Variants in MAP3K2 observed in about 807,000 individuals in gnomAD.
MAP3K2 encodes the protein mitogen-activated protein kinase kinase kinase 2.
A neutral mutation model predicts 80.3 loss-of-function variants in MAP3K2; 24 were observed. That is an observed-to-expected ratio of 0.30 (90% confidence interval 0.22 to 0.42). The LOEUF (loss-of-function observed/expected upper bound fraction) is 0.42, where lower values mean the gene tolerates loss of function less well. Ranked by LOEUF, MAP3K2 falls within the 10% of genes least tolerant of loss-of-function variation. The probability of loss-of-function intolerance (pLI) is 1.00; values close to 1 mark genes in which losing one functional copy is unlikely to be tolerated. For missense variants in MAP3K2, 608 were observed against 750.1 expected, an observed-to-expected ratio of 0.81 and a Z score of 2.21; for synonymous variants, 244 against 253.7, an observed-to-expected ratio of 0.96 and a Z score of 0.36.
chr2:127,326,604 C>T (rs991401895), intron 8 of MAP3K2, 83 bp downstream of exon 8: 4 of 1,000,556 alleles, frequency 4.0e-6, no homozygotes, highest in Non-Finnish European at 5.5e-6. Context: ...ATAATACACA[C>T]ACACACCCAG....
upstream of MAP3K2, chr2:127,388,106 G>T (rs1261302134): frequency 4.1e-6 from 4 of 984,288 alleles, no homozygotes; most frequent in African/African-American, 7.0e-5. Context: ...GCAGAGGCCC[G>T]CCACGCCCAC....
chr2:127,343,056 T>C, intron 2 of MAP3K2, 70 bp downstream of exon 2: 2 of 1,217,996 alleles, frequency 1.6e-6, no homozygotes, highest in Non-Finnish European at 2.3e-6. Flanking sequence ...TAACACATAA[T>C]AGAGAAAGTT....
At chr2:127,327,963 G>C (rs1686176617) in intron 7 of MAP3K2, among the ~76,000 whole-genome samples, 1 of 152,170 alleles carries the variant, frequency 6.6e-6, no homozygotes, top group Non-Finnish European at 1.5e-5. Context: ...CATTTAGCTT[G>C]TTTTGTCTAA....
At chr2:127,334,483 T>A (rs948520165) in intron 5 of MAP3K2, among the ~76,000 whole-genome samples, 1 of 152,196 alleles carries the variant, frequency 6.6e-6, no homozygotes, top group Non-Finnish European at 1.5e-5. Context: ...CAGGCTGGAG[T>A]GCAGTGGTTC....
At chr2:127,356,791 G>A (rs1421716975) in intron 1 of MAP3K2, among the ~76,000 whole-genome samples, 1 of 152,050 alleles carries the variant, frequency 6.6e-6, no homozygotes, top group East Asian at 1.9e-4. Context: ...AGAAAACTAG[G>A]GAAAACTCTT....
intron 1 of MAP3K2, among the ~76,000 whole-genome samples, chr2:127,362,983 T>C (rs1209838130): frequency 6.6e-6 from 1 of 152,016 alleles, no homozygotes; most frequent in East Asian, 1.9e-4. Flanking sequence ...TAATTTAAAA[T>C]AATGCAACAA....
chr2:127,307,550 G>C lies in MAP3K2; in HGVS notation c.*29C>G. ...AAGGTGAATGAATAGATGGGAGCTA[G>C]GTAGAGGCACAGGAGAGGTTACTGG... On this transcript the variant is annotated 3_prime_UTR_variant, in exon 17 of 17. Coordinates refer to ENST00000682094, the MANE Select transcript of MAP3K2 (RefSeq NM_001371910.2). The surrounding 1 kb of genome is among the most constrained non-coding windows in gnomAD (Gnocchi z 5.4). 1 of 1,461,918 alleles carries C rather than the reference G, an allele frequency of 6.8e-7. No individual in the cohort carries two copies. Among genetic ancestry groups the C allele is most frequent in the Non-Finnish European group, 9.4e-7 (1 of 1,066,648 alleles). The allele number at this position is 1,461,918 out of a possible 1,614,324, so 90.6% of individuals were successfully genotyped here.
In MAP3K2 at chr2:127,339,894, T is replaced by C. The variant is rs1007219846; in HGVS notation, c.5-844A>G. Among the ~76,000 whole-genome samples, 1 of 152,200 alleles carries C rather than the reference T, an allele frequency of 6.6e-6. No individual in the cohort carries two copies. The highest frequency in any genetic ancestry group is 1.5e-5 in the Non-Finnish European group (1 of 68,030). On this transcript the variant is annotated intron_variant, in intron 2 of 16. Coordinates refer to ENST00000682094, the MANE Select transcript of MAP3K2 (RefSeq NM_001371910.2). This position sits in a 1 kb window ranked among gnomAD's most constrained non-coding sequence, Gnocchi z 4.2. ...TAAAGGAATCAAGAGACTTTACACT[T>C]TACATTTTAAAATGTAACCATTTTG...
chr2:127,325,645 G>A (rs1686119122), intron 9 of MAP3K2, 83 bp downstream of exon 9: 17 of 1,068,738 alleles, frequency 1.6e-5, no homozygotes, highest in South Asian at 4.0e-5. Flanking sequence ...CCGCATTCAC[G>A]CCACTGCGCT....
At chr2:127,319,315 C>T (rs550168909) in intron 12 of MAP3K2, among the ~76,000 whole-genome samples, 2 of 151,694 alleles carry the variant, frequency 1.3e-5, no homozygotes, top group East Asian at 3.9e-4. Flanking sequence ...CATTAGAGCA[C>T]TCCTACTCCC....
At chr2:127,383,170 C>A (rs1444596936) in intron 1 of MAP3K2, among the ~76,000 whole-genome samples, 2 of 152,192 alleles carry the variant, frequency 1.3e-5, no homozygotes, top group African/African-American at 2.4e-5. Flanking sequence ...ATTCATGAGG[C>A]ACCCACCCCC....
chr2:127,312,223 A>T (rs1207661568), intron 15 of MAP3K2, among the ~76,000 whole-genome samples: 1 of 152,204 alleles, frequency 6.6e-6, no homozygotes, highest in Non-Finnish European at 1.5e-5. Context: ...GTTTCCTTTC[A>T]TCCATTAATT....
chr2:127,376,406 C>T (rs536514045), intron 1 of MAP3K2, among the ~76,000 whole-genome samples: 6 of 152,278 alleles, frequency 3.9e-5, no homozygotes, highest in East Asian at 3.9e-4. Flanking sequence ...GAATAAATGC[C>T]GGCAGCGCAG....
At chr2:127,353,783 A>G (rs1013738708) in intron 1 of MAP3K2, among the ~76,000 whole-genome samples, 2 of 152,148 alleles carry the variant, frequency 1.3e-5, no homozygotes, top group Non-Finnish European at 2.9e-5. Context: ...TGACAATGGC[A>G]GTTTTGTGGA....
rs1163570533 is a variant in MAP3K2 at position 127,387,942 on chromosome 2, G to A, written c.-556C>T. On this transcript the variant is annotated 5_prime_UTR_variant, in exon 1 of 17. Transcript: ENST00000682094. Reference sequence around the variant, plus strand: ...CGTCAGGCGCCGCCGCTGAGGGCAGGCAGCCCGGCAGCCACTACACACGGA... The same window carrying A: ...CGTCAGGCGCCGCCGCTGAGGGCAGACAGCCCGGCAGCCACTACACACGGA... The A allele has an allele frequency of 9.1e-6, 9 of 984,676 alleles. No individual in the cohort carries two copies. The East Asian group carries it at 3.4e-4, about 38-fold the overall frequency. The allele number at this position is 984,676 out of a possible 1,614,324, so 61.0% of individuals were successfully genotyped here. A position where few individuals can be genotyped will look rare whatever the true frequency, so the allele number is the denominator to read the frequency against.
intron 1 of MAP3K2, among the ~76,000 whole-genome samples, chr2:127,359,504 G>GA (rs1474132095): frequency 1.3e-5 from 2 of 152,192 alleles, no homozygotes; most frequent in Non-Finnish European, 2.9e-5. Flanking sequence ...GCATTGATGA[G>GA]AGAGTGTCAA....
rs1558981497 is a variant in MAP3K2 at position 127,339,520 on chromosome 2, A to C, written c.5-470T>G. Among the ~76,000 whole-genome samples, 1 of 152,216 alleles carries C rather than the reference A, an allele frequency of 6.6e-6. No homozygotes were observed. ...ATCAATACTTAAGAGTCAGAAACAA[A>C]GAAAAGCTTCACCTGTGGATACTGG... On this transcript the variant is annotated intron_variant, in intron 2 of 16. Transcript: ENST00000682094. The surrounding 1 kb of genome is among the most constrained non-coding windows in gnomAD (Gnocchi z 4.2).
rs749914915 is a variant in MAP3K2 at position 127,301,080 on chromosome 2, A to G, written c.*6499T>C. 13 of 152,222 alleles carry G rather than the reference A, an allele frequency of 8.5e-5. No homozygotes were observed. The highest frequency in any genetic ancestry group is 1.6e-4 in the Non-Finnish European group (11 of 68,028). 9.4% of individuals were successfully genotyped at this position (152,222 alleles called of 1,614,324 possible). A position where few individuals can be genotyped will look rare whatever the true frequency, so the allele number is the denominator to read the frequency against. On this transcript the variant is annotated 3_prime_UTR_variant, in exon 17 of 17. Transcript: ENST00000682094. ...TCTCAACTGCATTAAGGGATTCTCA[A>G]CTGCATTAAGGGATTCAGAAATTAT...
At position 127,301,739 on chromosome 2, in the gene MAP3K2, A is replaced by G. The variant is rs1441623182; in HGVS notation, c.*5840T>C. 1 of 152,220 alleles carries G rather than the reference A, an allele frequency of 6.6e-6. No individual in the cohort carries two copies. Among genetic ancestry groups the G allele is most frequent in the Non-Finnish European group, 1.5e-5 (1 of 68,036 alleles). 9.4% of individuals were successfully genotyped at this position (152,220 alleles called of 1,614,324 possible). On this transcript the variant is annotated 3_prime_UTR_variant, in exon 17 of 17. Transcript: ENST00000682094. Reference sequence around the variant, plus strand: ...AAATAAGAATTCTATGAGACTGTATACAGGCAACAGATAAAATCTATTCTT... The same window carrying G: ...AAATAAGAATTCTATGAGACTGTATGCAGGCAACAGATAAAATCTATTCTT...
Sources: gnomAD v4.1 joint callset for allele counts (sites outside exome capture counted in the v4.1 genomes callset) on GRCh38, gnomAD v4.1.1 for gene constraint, Gnocchi (gnomAD v3.1) non-coding constraint, MANE v1.5 for transcripts, NCBI Gene and HGNC (gene_info 2026-07-23, HGNC 2026-07-21) for gene names.